The following A2M variants were observed in gnomAD, a reference collection of about 807,000 sequenced individuals.
The protein encoded by A2M is C3 and PZP-like alpha-2-macroglobulin domain-containing protein 5.
A2M carries 128 observed loss-of-function variants against 183.9 expected under a neutral mutation model. The ratio of observed to expected loss-of-function variants is 0.70; its 90% CI spans 0.60 to 0.81. The LOEUF (loss-of-function observed/expected upper bound fraction) is 0.81. Ranked by LOEUF, A2M falls within the 30% of genes least tolerant of loss-of-function variation. The pLI is 0.00. For missense variants in A2M, 1,495 were observed against 1,787.6 expected, an observed-to-expected ratio of 0.84 and a Z score of 2.95; for synonymous variants, 592 against 670.8, an observed-to-expected ratio of 0.88 and a Z score of 1.81.
intron 28 of A2M, 135 bp downstream of exon 28, chr12:9,076,621 A>G (rs971675782): frequency 1.3e-6 from 1 of 746,014 alleles, no homozygotes; most frequent in Non-Finnish European, 2.1e-6. Context: ...AAGATGCAAT[A>G]TGGACAAAAT....
In A2M at chr12:9,079,465, C is replaced by A. The variant is rs150612141; in HGVS notation, c.3032-134G>T. 173 of 1,140,930 alleles carry A rather than the reference C, an allele frequency of 1.5e-4. No homozygotes were observed. The African/African-American group carries it at 2.5e-3, about 16-fold the overall frequency. The allele number at this position is 1,140,930 out of a possible 1,614,324, so 70.7% of individuals were successfully genotyped here. A position where few individuals can be genotyped will look rare whatever the true frequency, so the allele number is the denominator to read the frequency against. On this transcript the variant is annotated intron_variant, in intron 24 of 35. Coordinates refer to ENST00000318602, the MANE Select transcript of A2M (RefSeq NM_000014.6). ...TGTCATAGATTAGGAGTTTCTGAGC[C>A]TTAAATATTTTATTGGAGGTTGGAG...
intron 8 of A2M, 116 bp downstream of exon 8, chr12:9,107,408 C>T (rs1938376527): frequency 2.4e-6 from 3 of 1,258,788 alleles, no homozygotes; most frequent in Admixed American, 5.2e-5. Flanking sequence ...TTACAATAGC[C>T]AACATGGAAT....
At chr12:9,107,950 C>G (rs991675242) in intron 7 of A2M, among the ~76,000 whole-genome samples, 1 of 151,514 alleles carries the variant, frequency 6.6e-6, no homozygotes, top group African/African-American at 2.4e-5. Flanking sequence ...GAAACAATAC[C>G]AGCAAGACGA....
At chr12:9,091,077 C>T in intron 19 of A2M, 124 bp downstream of exon 19, 3 of 1,251,362 alleles carry the variant, frequency 2.4e-6, no homozygotes, top group Non-Finnish European at 3.3e-6. Flanking sequence ...AAACCTGTAA[C>T]TTTTACAATC....
chr12:9,077,666 A>G, intron 26 of A2M, 35 bp downstream of exon 26: 2 of 1,608,648 alleles, frequency 1.2e-6, no homozygotes, highest in East Asian at 2.2e-5. Context: ...AGATATCATA[A>G]TGGACAAATC....
At position 9,104,367 on chromosome 12, in the gene A2M, G is replaced by T; in HGVS notation, c.1138C>A (p.Pro380Thr). ...CCTCTGATGAATATGACTTTATTTG[G>T]TATAGGGACGCCTTTCCCATCTACT... is the stretch of plus-strand genomic sequence containing the variant. ...RLVDGKGVPIPNKVIFIRGNE... is the reference protein window; with the variant it reads ...RLVDGKGVPITNKVIFIRGNE... Residue 380 changes from proline (P) to threonine (T), a missense_variant, in exon 11 of 36, where the codon CCA (proline) becomes ACA (threonine). Physicochemically the swap from Pro to Thr is conservative, Grantham distance 38. Transcript: ENST00000318602. 6.3e-7 allele frequency: 1 copy of T among 1,599,448 alleles called. No individual in the cohort carries two copies. The highest frequency in any genetic ancestry group is 1.1e-5 in the South Asian group (1 of 88,554).
At chr12:9,109,770 A>G in intron 6 of A2M, 97 bp downstream of exon 6, 1 of 1,228,124 alleles carries the variant, frequency 8.1e-7, no homozygotes, top group Non-Finnish European at 1.1e-6. Flanking sequence ...AATGTCACCC[A>G]TGGGAAATGG....
At chr12:9,114,971 TC>T (rs1939014575) in intron 1 of A2M, among the ~76,000 whole-genome samples, 1 of 152,170 alleles carries the variant, frequency 6.6e-6, no homozygotes, top group Non-Finnish European at 1.5e-5. Context: ...AGCTGTTTTT[TC>T]CCCCAGTGAA....
At chr12:9,099,642 T>C in intron 13 of A2M, 119 bp from the exon 14 acceptor site, 1 of 1,245,988 alleles carries the variant, frequency 8.0e-7, no homozygotes, top group Non-Finnish European at 1.1e-6. Flanking sequence ...CTAAGGACTC[T>C]AGCTTTAGAA....
chr12:9,069,567 C>G (rs1317557661), intron 33 of A2M, among the ~76,000 whole-genome samples, 178 bp downstream of exon 33: 1 of 152,118 alleles, frequency 6.6e-6, no homozygotes, highest in Non-Finnish European at 1.5e-5. Context: ...CCATTTCTAC[C>G]TGTAATCCCT....
chr12:9,101,930 T>C (rs1937889477), intron 11 of A2M, among the ~76,000 whole-genome samples: 7 of 152,194 alleles, frequency 4.6e-5, no homozygotes, highest in Admixed American at 4.6e-4. Context: ...CATCCTTTGC[T>C]CTGATTAGCT....
chr12:9,107,150 G>A (rs1938358162), intron 8 of A2M, among the ~76,000 whole-genome samples: 1 of 152,096 alleles, frequency 6.6e-6, no homozygotes, highest in Non-Finnish European at 1.5e-5. Flanking sequence ...TATGGGGACT[G>A]TGTTTGTCAA....
chr12:9,074,674 G>A lies in A2M; in HGVS notation c.3642C>T (p.Leu1214=), dbSNP rs775335536. 17 of 1,613,902 alleles carry A rather than the reference G, an allele frequency of 1.1e-5. No individual in the cohort carries two copies. The highest frequency in any genetic ancestry group is 1.6e-4 in the Middle Eastern group (1 of 6,084). Residue 1214 remains leucine (L), a synonymous_variant, in exon 29 of 36, where the codon CTC becomes CTT. Transcript: ENST00000318602. ...AEVEMTSYVL[L]AYLTAQPAPT... ...GGGCTGGCTGGGCCGTGAGATAAGC[G>A]AGGAGCACATAGGATGTCATCTCCA... is the stretch of plus-strand genomic sequence containing the variant.
At chr12:9,107,998 G>A (rs1041751183) in intron 7 of A2M, among the ~76,000 whole-genome samples, 51 of 151,746 alleles carry the variant, frequency 3.4e-4, no homozygotes, top group East Asian at 1.9e-4. Context: ...AAACCCAAAC[G>A]CCCTCAAGTC....
At chr12:9,068,695 T>C in intron 34 of A2M, 45 bp downstream of exon 34, 1 of 1,418,886 alleles carries the variant, frequency 7.0e-7, no homozygotes, top group Non-Finnish European at 9.8e-7. Flanking sequence ...TGAATTTCTG[T>C]GATCAGGAAT....
intron 31 of A2M, 51 bp from the exon 32 acceptor site, chr12:9,070,629 TTTC>T: frequency 2.3e-6 from 3 of 1,303,624 alleles, no homozygotes; most frequent in Non-Finnish European, 3.3e-6. Context: ...TTTTAAATAT[TTTC>T]TTCTTCTATG....
Position 9,080,114 on chromosome 12 carries a change from C to T in A2M, c.2834G>A (p.Arg945Gln), listed in dbSNP as rs377622666. ...CTCACCCAAAACTGAGACAGAAGCT[C>T]GGGCAGATTCTTCTACCACATTTGG... Reference protein sequence around the residue: ...LPPNVVEESARASVSVLGDIL... With the variant: ...LPPNVVEESAQASVSVLGDIL... The change falls in exon 23 of 36, where the codon CGA (arginine) becomes CAA (glutamine). Residue 945 changes from arginine to glutamine, a missense_variant. By Grantham distance (43) the Arg-to-Gln change is conservative. Coordinates refer to ENST00000318602, the MANE Select transcript of A2M (RefSeq NM_000014.6). The T allele has an allele frequency of 1.3e-5, 21 of 1,588,186 alleles. No individual in the cohort carries two copies. Among genetic ancestry groups the T allele is most frequent in the African/African-American group, 4.0e-5 (3 of 74,280 alleles).
intron 22 of A2M, among the ~76,000 whole-genome samples, chr12:9,082,338 C>T (rs2137722995): frequency 6.6e-6 from 1 of 152,290 alleles, no homozygotes; most frequent in South Asian, 2.1e-4. Flanking sequence ...TTGTGACTGG[C>T]CTGACCAGAG....
Position 9,079,695 on chromosome 12 carries a change from T to G in A2M, c.2975A>C (p.Glu992Ala). 6.2e-7 allele frequency: 1 copy of G among 1,613,778 alleles called. No homozygotes were observed. The highest frequency in any genetic ancestry group is 8.5e-7 in the Non-Finnish European group (1 of 1,179,790). Residue 992 changes from glutamate (E) to alanine (A), a missense_variant, in exon 24 of 36, where the codon GAA becomes GCA. Transcript: ENST00000318602. ...GATCTCTGGAGTAAGCTGCTGTGTT[T>G]CATTTAGATAATCCAGTACATAGAT... is the stretch of plus-strand genomic sequence containing the variant. ...PNIYVLDYLN[E>A]TQQLTPEIKS...
Sources: gnomAD v4.1 joint callset for allele counts (sites outside exome capture counted in the v4.1 genomes callset) on GRCh38, gnomAD v4.1.1 for gene constraint, MANE v1.5 for transcripts, NCBI Gene and HGNC (gene_info 2026-07-23, HGNC 2026-07-21) for gene names.